The following PMEPA1 variants were observed in gnomAD, a reference collection of about 807,000 sequenced individuals.
PMEPA1 encodes the protein protein TMEPAI.
Under a neutral mutation model 23.0 loss-of-function variants are expected in PMEPA1, and 11 were observed. The observed-to-expected ratio is 0.48, with a 90% CI of 0.30 to 0.79. PMEPA1 has a LOEUF of 0.79. Among genes scored for constraint, PMEPA1 ranks in the 30% least tolerant of loss-of-function variants. PMEPA1 has a pLI of 0.06. For missense variants in PMEPA1, 377 were observed against 390.9 expected, an observed-to-expected ratio of 0.96 and a Z score of 0.30; for synonymous variants, 204 against 166.4, an observed-to-expected ratio of 1.23 and a Z score of -1.74.
At chr20:57,665,684 G>T (rs947871662) in intron 1 of PMEPA1, among the ~76,000 whole-genome samples, 1 of 152,208 alleles carries the variant, frequency 6.6e-6, no homozygotes, top group Non-Finnish European at 1.5e-5. Context: ...GCTGAGGTTT[G>T]CTGGGCTGCA....
At chr20:57,657,644 G>A (rs540139710) in intron 2 of PMEPA1, among the ~76,000 whole-genome samples, 1 of 152,334 alleles carries the variant, frequency 6.6e-6, no homozygotes, top group East Asian at 1.9e-4. Flanking sequence ...AGAGGTCCCA[G>A]GGCTGATGCT....
rs987750847 is a variant in PMEPA1 at position 57,650,252 on chromosome 20, A to G, written c.*1801T>C. The G allele has an allele frequency of 5.9e-5, 9 of 152,240 alleles. 1 individual carries two copies. The highest frequency in any genetic ancestry group is 3.9e-4 in the Admixed American group (6 of 15,290). 9.4% of individuals were successfully genotyped at this position (152,240 alleles called of 1,614,324 possible). A position where few individuals can be genotyped will look rare whatever the true frequency, so the allele number is the denominator to read the frequency against. ...TCACAAACAATAGTTATTGCCTTTTATATCTTTTATGTTAGTCTACTAGTC... is the reference window on the plus strand; with the variant it reads ...TCACAAACAATAGTTATTGCCTTTTGTATCTTTTATGTTAGTCTACTAGTC... On this transcript the variant is annotated 3_prime_UTR_variant, in exon 4 of 4. Coordinates refer to ENST00000341744, the MANE Select transcript of PMEPA1 (RefSeq NM_020182.5).
chr20:57,668,675 CTCCAGCATA>C (rs1285964951), intron 1 of PMEPA1, among the ~76,000 whole-genome samples: 1 of 152,240 alleles, frequency 6.6e-6, no homozygotes, highest in East Asian at 1.9e-4. Flanking sequence ...TGAACCTTTG[CTCCAGCATA>C]TAGACAGCTG....
intron 1 of PMEPA1, among the ~76,000 whole-genome samples, chr20:57,684,329 G>A (rs749495067): frequency 1.5e-4 from 23 of 151,992 alleles, no homozygotes; most frequent in Non-Finnish European, 2.2e-4. Flanking sequence ...TCTCCACCCC[G>A]CAGCCCTCGC....
intron 1 of PMEPA1, among the ~76,000 whole-genome samples, chr20:57,673,860 T>A (rs2071601468): frequency 1.3e-5 from 2 of 152,206 alleles, no homozygotes; most frequent in Admixed American, 1.3e-4. Context: ...ACCTGCCACC[T>A]GAGTGCTACC....
At chr20:57,703,744 C>G (rs1432277452) in intron 1 of PMEPA1, among the ~76,000 whole-genome samples, 1 of 152,212 alleles carries the variant, frequency 6.6e-6, no homozygotes, top group African/African-American at 2.4e-5. Flanking sequence ...CTGGTGAAGG[C>G]CTTCTCATCA....
At chr20:57,673,032 A>G (rs1336145970) in intron 1 of PMEPA1, among the ~76,000 whole-genome samples, 2 of 152,214 alleles carry the variant, frequency 1.3e-5, no homozygotes, top group Non-Finnish European at 2.9e-5. Context: ...AGTAAGTATC[A>G]GCCGCCAGTA....
intron 1 of PMEPA1, among the ~76,000 whole-genome samples, chr20:57,701,365 T>C (rs1483846644): frequency 2.6e-5 from 4 of 152,198 alleles, no homozygotes; most frequent in Non-Finnish European, 5.9e-5. Context: ...CTGCAGCAAG[T>C]GTGTGCCAAG....
intron 1 of PMEPA1, among the ~76,000 whole-genome samples, chr20:57,678,636 T>C (rs2071671078): frequency 6.6e-6 from 1 of 152,200 alleles, no homozygotes; most frequent in Non-Finnish European, 1.5e-5. Context: ...TCGGCTGTCA[T>C]CTCTCCACTT....
chr20:57,667,852 C>A (rs187305012), intron 1 of PMEPA1, among the ~76,000 whole-genome samples: 83 of 152,146 alleles, frequency 5.5e-4, no homozygotes, highest in Admixed American at 4.3e-3. Context: ...CAGCTCCCTG[C>A]CACCCCACCC....
At position 57,652,945 on chromosome 20, in the gene PMEPA1, C is replaced by A. The variant is rs574742818; in HGVS notation, c.318+88G>T. 1.8e-6 allele frequency: 2 copies of A among 1,125,278 alleles called. No homozygotes were observed. Among genetic ancestry groups the A allele is most frequent in the Non-Finnish European group, 2.6e-6 (2 of 760,232 alleles). 69.7% of individuals were successfully genotyped at this position (1,125,278 alleles called of 1,614,324 possible). The stretch of plus-strand genomic sequence containing the variant: ...CTGCAGAGGAGGGCGGAGGGGTGAG[C>A]CTTTAGCAGCCCACACTGTTCCAGC... On this transcript the variant is annotated intron_variant, in intron 3 of 3. Coordinates refer to ENST00000341744, the MANE Select transcript of PMEPA1 (RefSeq NM_020182.5). This position sits in a 1 kb window ranked among gnomAD's most constrained non-coding sequence, Gnocchi z 6.1.
chr20:57,658,691 T>C (rs1260474710), intron 2 of PMEPA1, among the ~76,000 whole-genome samples: 2 of 152,148 alleles, frequency 1.3e-5, no homozygotes, highest in Admixed American at 6.5e-5. Context: ...TGAGGGCACG[T>C]GGCCAGTACT....
Position 57,662,913 on chromosome 20 carries a change from C to T in PMEPA1, c.110-3216G>A, listed in dbSNP as rs541909568. ...GAGACGGTAGCTGGGGCTGCAGGGCCGGTGGGATGCAGGGGCAATGGAGGA... is the reference window on the plus strand; with the variant it reads ...GAGACGGTAGCTGGGGCTGCAGGGCTGGTGGGATGCAGGGGCAATGGAGGA... On this transcript the variant is annotated intron_variant, in intron 1 of 3. Transcript: ENST00000341744. Among the ~76,000 whole-genome samples the T allele has an allele frequency of 3.3e-5, 5 of 152,272 alleles. No individual in the cohort carries two copies. The South Asian group carries it at 6.2e-4, about 19-fold the overall frequency.
intron 1 of PMEPA1, among the ~76,000 whole-genome samples, chr20:57,675,369 C>A (rs896776445): frequency 7.7e-4 from 118 of 152,354 alleles, no homozygotes; most frequent in African/African-American, 2.8e-3. Flanking sequence ...CCTCCTCCGA[C>A]CTCTTGGAAG....
At chr20:57,696,559 C>T (rs752676684) in intron 1 of PMEPA1, among the ~76,000 whole-genome samples, 3 of 152,186 alleles carry the variant, frequency 2.0e-5, no homozygotes, top group Non-Finnish European at 4.4e-5. Context: ...GCTCAGTGAG[C>T]ACCTGCCACT....
At chr20:57,677,585 C>T (rs560894128) in intron 1 of PMEPA1, among the ~76,000 whole-genome samples, 2 of 152,268 alleles carry the variant, frequency 1.3e-5, no homozygotes, top group Admixed American at 1.3e-4. Context: ...AGCCAGAGAC[C>T]AGAGGAGGGC....
At chr20:57,690,410 T>C (rs756384093) in intron 1 of PMEPA1, 42 of 1,302,102 alleles carry the variant, frequency 3.2e-5, no homozygotes, top group Non-Finnish European at 4.3e-5. Context: ...GTGCTGGAAT[T>C]GCAGGCATTT....
chr20:57,682,415 A>C lies in PMEPA1; in HGVS notation c.110-22718T>G, dbSNP rs2071731546. 6.6e-6 allele frequency among the ~76,000 whole-genome samples: 1 copy of C among 152,148 alleles called. No homozygotes were observed. The highest frequency in any genetic ancestry group is 2.1e-4 in the South Asian group (1 of 4,826). On this transcript the variant is annotated intron_variant, in intron 1 of 3. Coordinates refer to ENST00000341744, the MANE Select transcript of PMEPA1 (RefSeq NM_020182.5). The surrounding 1 kb of genome is among the most constrained non-coding windows in gnomAD (Gnocchi z 4.4). ...ACAGCCCGCTGCCCTTGCATACCTA[A>C]GCACAAAGTCACTGGTAACTAGGGG...
intron 1 of PMEPA1, among the ~76,000 whole-genome samples, chr20:57,691,568 C>T (rs1169411803): frequency 3.9e-5 from 6 of 152,198 alleles, no homozygotes; most frequent in Admixed American, 3.9e-4. Flanking sequence ...CCCCAAAACT[C>T]CTTTCCTGCT....
Sources: allele counts gnomAD v4.1 joint callset (sites outside exome capture counted in the v4.1 genomes callset), GRCh38; gene constraint gnomAD v4.1.1; non-coding constraint Gnocchi (gnomAD v3.1); transcripts MANE v1.5; gene names NCBI Gene and HGNC (gene_info 2026-07-23, HGNC 2026-07-21).